The following PCDH17 variants were observed in gnomAD, a reference collection of about 807,000 sequenced individuals.
PCDH17 encodes the protein protocadherin-17.
PCDH17 carries 21 observed loss-of-function variants against 67.7 expected under a neutral mutation model. The observed-to-expected ratio is 0.31, with a 90% confidence interval of 0.22 to 0.45. The LOEUF (loss-of-function observed/expected upper bound fraction) is 0.45. Ranked by LOEUF, PCDH17 falls within the 20% of genes least tolerant of loss-of-function variation. The pLI, the probability that PCDH17 is intolerant of heterozygous loss-of-function variation, is 1.00. For synonymous variants in PCDH17, 701 were observed against 656.7 expected, an observed-to-expected ratio of 1.07 and a Z score of -1.03; for missense variants, 1,471 against 1,564.8, an observed-to-expected ratio of 0.94 and a Z score of 1.01.
intron 3 of PCDH17, among the ~76,000 whole-genome samples, chr13:57,713,845 A>G (rs1454518714): frequency 6.6e-6 from 1 of 151,600 alleles, no homozygotes; most frequent in Admixed American, 6.6e-5. Context: ...ATAGTTTCAT[A>G]CATATTTCTC....
At chr13:57,722,627 T>G (rs1329729456) in intron 3 of PCDH17, among the ~76,000 whole-genome samples, 2 of 152,192 alleles carry the variant, frequency 1.3e-5, no homozygotes, top group Admixed American at 1.3e-4. Context: ...ATTTACTTAT[T>G]TATTTTGAGA....
chr13:57,644,836 C>T (rs902245553), intron 1 of PCDH17, among the ~76,000 whole-genome samples: 1 of 151,660 alleles, frequency 6.6e-6, no homozygotes, highest in African/African-American at 2.4e-5. Context: ...TAATATTTTC[C>T]ATCACGCTCT....
intron 1 of PCDH17, among the ~76,000 whole-genome samples, chr13:57,645,214 G>A (rs1954950548): frequency 6.6e-6 from 1 of 151,632 alleles, no homozygotes; most frequent in South Asian, 2.1e-4. Context: ...CTATGAGTAA[G>A]ATTAGTTATT....
At chr13:57,665,853 T>C (rs1305672477) in intron 1 of PCDH17, among the ~76,000 whole-genome samples, 1 of 152,160 alleles carries the variant, frequency 6.6e-6, no homozygotes, top group Non-Finnish European at 1.5e-5. Flanking sequence ...TTTTAATAAC[T>C]AGGAAGTAAA....
At chr13:57,707,334 C>CATGT (rs150244348) in intron 3 of PCDH17, among the ~76,000 whole-genome samples, 1 of 145,714 alleles carries the variant, frequency 6.9e-6, no homozygotes, top group Non-Finnish European at 1.5e-5. Flanking sequence ...GATATATGAC[C>CATGT]GTGTGTGTGT....
At chr13:57,704,179 C>T (rs576675845) in intron 3 of PCDH17, among the ~76,000 whole-genome samples, 10 of 152,110 alleles carry the variant, frequency 6.6e-5, no homozygotes, top group African/African-American at 9.6e-5. Flanking sequence ...AATCACAACC[C>T]GGCTGTACCT....
intron 3 of PCDH17, among the ~76,000 whole-genome samples, chr13:57,696,589 T>C (rs1306102391): frequency 6.6e-6 from 1 of 151,432 alleles, no homozygotes; most frequent in Non-Finnish European, 1.5e-5. Flanking sequence ...CTTCGCAGCC[T>C]GTCTTATATG....
At chr13:57,667,840 T>G (rs2138026167) in intron 3 of PCDH17, among the ~76,000 whole-genome samples, 1 of 148,338 alleles carries the variant, frequency 6.7e-6, no homozygotes, top group Admixed American at 6.8e-5. Flanking sequence ...AATATTAATA[T>G]ACCCATATAT....
Position 57,633,772 on chromosome 13 carries a change from C to T in PCDH17, c.1226C>T (p.Ser409Phe), listed in dbSNP as rs1954770939. The change falls in exon 1 of 4, where the codon TCC (serine) becomes TTC (phenylalanine). Residue 409 changes from serine (S) to phenylalanine (F), a missense_variant. Coordinates refer to ENST00000377918, the MANE Select transcript of PCDH17 (RefSeq NM_001040429.3). This position sits in a 1 kb window ranked among gnomAD's most constrained non-coding sequence, Gnocchi z 6.2. ...GGGGLGGPGG[S>F]VPFKLEENYD... Reference sequence around the variant, plus strand: ...GGGGGCCTGGGCGGGCCCGGGGGTTCCGTCCCCTTCAAGCTTGAGGAGAAC... The same window carrying T: ...GGGGGCCTGGGCGGGCCCGGGGGTTTCGTCCCCTTCAAGCTTGAGGAGAAC... 3.8e-6 allele frequency: 6 copies of T among 1,596,782 alleles called. No homozygotes were observed. In the East Asian group the frequency reaches 1.4e-4, roughly 36 times the overall value.
In PCDH17 at chr13:57,725,211, G is replaced by A. The variant is rs774629826; in HGVS notation, c.3397G>A (p.Val1133Met). 3.0e-5 allele frequency: 48 copies of A among 1,613,940 alleles called. No individual in the cohort carries two copies. Among genetic ancestry groups the A allele is most frequent in the Admixed American group, 1.3e-4 (8 of 59,986 alleles). Residue 1133 changes from valine to methionine, a missense_variant, in exon 4 of 4, where the codon GTG becomes ATG. Physicochemically the swap from Val to Met is conservative, Grantham distance 21. Around this residue, in one of 3 missense-constraint regions of PCDH17, gnomAD observed 297 missense variants for 298.6 expected, o/e 0.99. Coordinates refer to ENST00000377918, the MANE Select transcript of PCDH17 (RefSeq NM_001040429.3). ...HPNRDLGRES[V>M]DAEEVVREID... ...CAACAGGGATCTGGGCAGAGAGTCT[G>A]TGGATGCAGAGGAAGTTGTGAGAGA...
At chr13:57,697,590 G>A (rs1165967453) in intron 3 of PCDH17, among the ~76,000 whole-genome samples, 1 of 149,756 alleles carries the variant, frequency 6.7e-6, no homozygotes, top group Non-Finnish European at 1.5e-5. Flanking sequence ...TAAACTGTGA[G>A]TCTGTTAACA....
chr13:57,656,522 A>G (rs1018333818), intron 1 of PCDH17, among the ~76,000 whole-genome samples: 8 of 152,030 alleles, frequency 5.3e-5, no homozygotes, highest in Admixed American at 4.6e-4. Context: ...TCAGAAATGT[A>G]ATGAATTTTC....
At chr13:57,656,925 G>A (rs529673101) in intron 1 of PCDH17, among the ~76,000 whole-genome samples, 1 of 152,146 alleles carries the variant, frequency 6.6e-6, no homozygotes, top group East Asian at 1.9e-4. Context: ...CCTGGGATTC[G>A]CAATACAGCA....
rs144881046 is a variant in PCDH17 at position 57,724,771 on chromosome 13, C to G, written c.2957C>G (p.Thr986Ser). 1.7e-4 allele frequency: 278 copies of G among 1,614,032 alleles called. No individual in the cohort carries two copies. Among genetic ancestry groups the G allele is most frequent in the Non-Finnish European group, 3.6e-5 (42 of 1,180,026 alleles). ...PTVEANVETE[T>S]YETVNPTGKK... is the part of the protein sequence containing the mutation. Reference sequence around the variant, plus strand: ...GTTGAAGCTAATGTTGAGACTGAGACTTACGAAACTGTGAATCCCACTGGG... The same window carrying G: ...GTTGAAGCTAATGTTGAGACTGAGAGTTACGAAACTGTGAATCCCACTGGG... Residue 986 changes from threonine (T) to serine (S), a missense_variant, in exon 4 of 4, where the codon ACT becomes AGT. Transcript: ENST00000377918.
intron 1 of PCDH17, among the ~76,000 whole-genome samples, chr13:57,638,960 C>T (rs1223126908): frequency 6.6e-6 from 1 of 152,002 alleles, no homozygotes; most frequent in East Asian, 1.9e-4. Flanking sequence ...ATTTCAGTAA[C>T]AAATACAAAG....
chr13:57,728,606 A>C lies in PCDH17; in HGVS notation c.*3312A>C, dbSNP rs1955931898. On this transcript the variant is annotated 3_prime_UTR_variant, in exon 4 of 4. Coordinates refer to ENST00000377918, the MANE Select transcript of PCDH17 (RefSeq NM_001040429.3). ...AATCTGTTAGTTATACGTATACCAA[A>C]GTAAACATTAAAGAGACATATCATG... 1 of 151,914 alleles carries C rather than the reference A, an allele frequency of 6.6e-6. No individual in the cohort carries two copies. Among genetic ancestry groups the C allele is most frequent in the Admixed American group, 6.6e-5 (1 of 15,224 alleles). 9.4% of individuals were successfully genotyped at this position (151,914 alleles called of 1,614,324 possible).
rs551586004 is a variant in PCDH17 at position 57,702,336 on chromosome 13, C to T, written c.2798-22276C>T. ...ATTGTACTTTTCTTGATTTGCCCAC[C>T]GAGCCCTACTTGGCATCATAACCTA... is the stretch of plus-strand genomic sequence containing the variant. On this transcript the variant is annotated intron_variant, in intron 3 of 3. Transcript: ENST00000377918. 7.2e-4 allele frequency among the ~76,000 whole-genome samples: 109 copies of T among 152,046 alleles called. 2 individuals are homozygous for T. Among genetic ancestry groups the T allele is most frequent in the African/African-American group, 2.6e-3 (107 of 41,500 alleles).
intron 3 of PCDH17, among the ~76,000 whole-genome samples, chr13:57,689,941 T>C (rs964868540): frequency 1.3e-5 from 2 of 151,826 alleles, no homozygotes; most frequent in African/African-American, 4.8e-5. Context: ...TAAAATAAGA[T>C]CTCTAATTAT....
At chr13:57,676,819 G>T (rs1016093590) in intron 3 of PCDH17, among the ~76,000 whole-genome samples, 24 of 151,660 alleles carry the variant, frequency 1.6e-4, no homozygotes, top group South Asian at 2.1e-4. Flanking sequence ...ACAATATATT[G>T]GTTGAATACT....
Sources: gnomAD v4.1 joint callset for allele counts (sites outside exome capture counted in the v4.1 genomes callset) on GRCh38, gnomAD v4.1.1 for gene constraint, gnomAD v4.1.1 regional missense constraint, Gnocchi (gnomAD v3.1) non-coding constraint, MANE v1.5 for transcripts, NCBI Gene and HGNC (gene_info 2026-07-23, HGNC 2026-07-21) for gene names.